SET: variants seen among roughly 807,000 people sequenced by gnomAD.
SET encodes protein SET.
In SET, 4 loss-of-function variants were observed where a neutral mutation model predicts 39.0. The observed-to-expected ratio is 0.10, with a 90% CI of 0.05 to 0.23. The LOEUF (loss-of-function observed/expected upper bound fraction) is 0.23, where lower values mean the gene tolerates loss of function less well. Ranked by LOEUF, SET falls within the 10% of genes least tolerant of loss-of-function variation. The pLI is 1.00. For missense variants in SET, 137 were observed against 329.7 expected (o/e 0.42, Z 4.53); for synonymous variants, 114 against 115.9 (o/e 0.98, Z 0.11).
At chr9:128,686,256 T>A (rs962491050), upstream of SET, among the ~76,000 whole-genome samples, 1 of 152,094 alleles carries the variant, frequency 6.6e-6, no homozygotes, top group Non-Finnish European at 1.5e-5. Context: ...AACTTCCTAG[T>A]GTGCTCATAT....
chr9:128,685,318 A>C, upstream of SET: 1 of 917,300 alleles, frequency 1.1e-6, no homozygotes, highest in East Asian at 2.6e-5. Flanking sequence ...GGGGAGCACT[A>C]GACAGCGCCT....
chr9:128,690,954 A>G (rs570903825), intron 1 of SET: 66 of 612,850 alleles, frequency 1.1e-4, no homozygotes, highest in Middle Eastern at 3.7e-4. Flanking sequence ...TAGAAAACCA[A>G]TTTCTGAGTA....
Position 128,695,949 on chromosome 9 carries a change from C to G in SET, c.*1285C>G, listed in dbSNP as rs1323865722. On this transcript the variant is annotated 3_prime_UTR_variant, in exon 8 of 8. Coordinates refer to ENST00000322030, the MANE Select transcript of SET (RefSeq NM_003011.4). ...ATACACGGGACAGTTGCTGGCATGTCTTCATTGGCTATATAAAATGTGGCC... is the reference window on the plus strand; with the variant it reads ...ATACACGGGACAGTTGCTGGCATGTGTTCATTGGCTATATAAAATGTGGCC... 1 of 226,234 alleles carries G rather than the reference C, an allele frequency of 4.4e-6. No individual in the cohort carries two copies. The highest frequency in any genetic ancestry group is 8.8e-6 in the Non-Finnish European group (1 of 113,164). The allele number at this position is 226,234 out of a possible 1,614,324, so 14.0% of individuals were successfully genotyped here. A position where few individuals can be genotyped will look rare whatever the true frequency, so the allele number is the denominator to read the frequency against.
intron 3 of SET, 30 bp from the exon 4 acceptor site, chr9:128,692,632 A>AT: frequency 6.8e-7 from 1 of 1,462,596 alleles, no homozygotes. Context: ...CCTGTTGAAA[A>AT]TTCAGCTGAC....
chr9:128,695,320 C>T lies in SET; in HGVS notation c.*656C>T. ...TAAGATGACACTTTTAAAATAAATT[C>T]TCTCCTAATGATGACTTGAGCCCTG... On this transcript the variant is annotated 3_prime_UTR_variant, in exon 8 of 8. Coordinates refer to ENST00000322030, the MANE Select transcript of SET (RefSeq NM_003011.4). The T allele has an allele frequency of 4.4e-6, 1 of 225,124 alleles. No homozygotes were observed. 13.9% of individuals were successfully genotyped at this position (225,124 alleles called of 1,614,324 possible).
At chr9:128,683,705 T>TG in exon 1 of SET, 1 of 443,888 alleles carries the variant, frequency 2.3e-6, no homozygotes, top group Non-Finnish European at 4.0e-6. Context: ...TTCTCCTGAT[T>TG]GGAGGGTGGG....
chr9:128,689,293 G>C lies in SET; in HGVS notation c.-290G>C, dbSNP rs940759389. The C allele has an allele frequency of 2.6e-5, 26 of 1,019,494 alleles. No individual in the cohort carries two copies. Among genetic ancestry groups the C allele is most frequent in the Non-Finnish European group, 2.9e-5 (25 of 851,512 alleles). 63.2% of individuals were successfully genotyped at this position (1,019,494 alleles called of 1,614,324 possible). A position where few individuals can be genotyped will look rare whatever the true frequency, so the allele number is the denominator to read the frequency against. ...AGCAGCGAGCTGGCTGGATCGCCGA[G>C]CGCGAGTGAGGGAGCCGAGCCGCCC... On this transcript the variant is annotated 5_prime_UTR_variant, in exon 1 of 8. Transcript: ENST00000322030.
At chr9:128,690,822 C>T (rs540569313) in intron 1 of SET, 21 of 259,076 alleles carry the variant, frequency 8.1e-5, no homozygotes, top group African/African-American at 4.5e-4. Context: ...CTACTGTTCT[C>T]TTGCAAGTGT....
chr9:128,692,013 C>G lies in SET; in HGVS notation c.274+13C>G, dbSNP rs1861553310. On this transcript the variant is annotated intron_variant, in intron 3 of 7. Transcript: ENST00000322030. ...AACCATCCACAAGGTATGTTTTGGA[C>G]AGGGCATTGTTAAAGGATAAACAGT... The G allele has an allele frequency of 8.1e-6, 13 of 1,613,184 alleles. No homozygotes were observed. Among genetic ancestry groups the G allele is most frequent in the Non-Finnish European group, 1.1e-5 (13 of 1,179,570 alleles).
At chr9:128,692,345 C>T (rs189929940) in intron 3 of SET, 104 of 220,034 alleles carry the variant, frequency 4.7e-4, no homozygotes, top group Middle Eastern at 1.8e-3. Flanking sequence ...TGCAGTGAGC[C>T]GAGATTGTGC....
At chr9:128,692,416 A>AAAC (rs1861577825) in intron 3 of SET, 2 of 260,350 alleles carry the variant, frequency 7.7e-6, no homozygotes, top group South Asian at 5.4e-5. Flanking sequence ...AAAAAAAAAA[A>AAAC]AAAAAACCTC....
chr9:128,692,531 C>T, intron 3 of SET, 131 bp from the exon 4 acceptor site: 1 of 629,652 alleles, frequency 1.6e-6, no homozygotes, highest in South Asian at 1.9e-5. Context: ...TGAGCAATTG[C>T]CTTTAGTTAA....
Position 128,692,461 on chromosome 9 carries a change from A to G in SET, c.275-201A>G, listed in dbSNP as rs78085598. On this transcript the variant is annotated intron_variant, in intron 3 of 7. Coordinates refer to ENST00000322030, the MANE Select transcript of SET (RefSeq NM_003011.4). ...AAAAGATATACAGCTACTGCTTTCT[A>G]TTCTGTTTAGGAGAAGCTATATTCT... is the stretch of plus-strand genomic sequence containing the variant. 1,902 of 399,688 alleles carry G rather than the reference A, an allele frequency of 4.8e-3. 36 individuals are homozygous for G. The highest frequency in any genetic ancestry group is 0.037 in the African/African-American group (1,750 of 47,380). 24.8% of individuals were successfully genotyped at this position (399,688 alleles called of 1,614,324 possible).
Position 128,689,237 on chromosome 9 carries a change from G to T in SET, c.-346G>T. On this transcript the variant is annotated 5_prime_UTR_variant, in exon 1 of 8. Transcript: ENST00000322030. ...CTGCGCCCGCCCCTCGCCGTAGGAG[G>T]AGGTGGAGGAGGAGGCGGCTCGGGA... is the stretch of plus-strand genomic sequence containing the variant. The T allele has an allele frequency of 3.0e-6, 3 of 999,672 alleles. No homozygotes were observed. Among genetic ancestry groups the T allele is most frequent in the Non-Finnish European group, 3.6e-6 (3 of 838,774 alleles). 61.9% of individuals were successfully genotyped at this position (999,672 alleles called of 1,614,324 possible). A position where few individuals can be genotyped will look rare whatever the true frequency, so the allele number is the denominator to read the frequency against.
chr9:128,684,040 T>A, intron 1 of SET: 1 of 1,480,592 alleles, frequency 6.8e-7, no homozygotes, highest in Non-Finnish European at 9.2e-7. Context: ...ATTGGAGATT[T>A]AAGGGATTTG....
chr9:128,688,081 C>G (rs1293771628), upstream of SET, among the ~76,000 whole-genome samples: 2 of 152,088 alleles, frequency 1.3e-5, no homozygotes, highest in African/African-American at 2.4e-5. Flanking sequence ...CATGGTGGCA[C>G]GTGCCTGTAG....
chr9:128,688,190 G>C (rs534732092), upstream of SET, among the ~76,000 whole-genome samples: 7 of 152,182 alleles, frequency 4.6e-5, no homozygotes, highest in African/African-American at 1.7e-4. Context: ...CAGCCTGGGG[G>C]ACAGAGCAAG....
upstream of SET, among the ~76,000 whole-genome samples, chr9:128,687,126 G>A (rs1338012987): frequency 1.3e-5 from 2 of 152,058 alleles, no homozygotes; most frequent in South Asian, 2.1e-4. Context: ...GGGAGGCCGA[G>A]GTGGGCAGAT....
At chr9:128,686,715 T>C (rs1034990748), upstream of SET, among the ~76,000 whole-genome samples, 5 of 152,186 alleles carry the variant, frequency 3.3e-5, no homozygotes, top group African/African-American at 1.2e-4. Context: ...CTAACTCTTG[T>C]AATCCCAGAG....
Sources: gnomAD v4.1 joint callset for allele counts (sites outside exome capture counted in the v4.1 genomes callset) on GRCh38, gnomAD v4.1.1 for gene constraint, MANE v1.5 for transcripts, NCBI Gene and HGNC (gene_info 2026-07-23, HGNC 2026-07-21) for gene names.